VTI1A: variants seen among roughly 807,000 people sequenced by gnomAD.
The protein encoded by VTI1A is vesicle transport through interaction with t-SNAREs homolog 1A.
A neutral mutation model predicts 34.9 loss-of-function variants in VTI1A; 22 were observed. That is an observed-to-expected ratio of 0.63 (90% confidence interval 0.45 to 0.90). VTI1A has a LOEUF of 0.90. VTI1A is among the 40% of genes least tolerant of loss of function. The pLI, the probability that VTI1A is intolerant of heterozygous loss-of-function variation, is 0.00. For synonymous variants in VTI1A, 87 were observed against 97.3 expected, an observed-to-expected ratio of 0.89 and a Z score of 0.62; for missense variants, 268 against 275.6, an observed-to-expected ratio of 0.97 and a Z score of 0.20.
At chr10:112,823,869 T>C in the VTI1A span, 1 of 152,250 alleles carries the variant, frequency 6.6e-6, no homozygotes, top group Non-Finnish European at 1.5e-5. Context: ...CTCAGATTTA[T>C]AAAACTTTTG....
chr10:112,837,806 G>C, the VTI1A span, among the ~76,000 whole-genome samples: 1 of 152,172 alleles, frequency 6.6e-6, no homozygotes, highest in Non-Finnish European at 1.5e-5. Context: ...GGATGTCTTT[G>C]AAGTGCCAGG....
At chr10:112,663,607 T>C (rs2133825889) in intron 5 of VTI1A, among the ~76,000 whole-genome samples, 1 of 152,334 alleles carries the variant, frequency 6.6e-6, no homozygotes, top group East Asian at 1.9e-4. Flanking sequence ...CAAAAGGCTC[T>C]TCATGCCTGA....
At chr10:112,665,250 T>G (rs1339405138) in intron 5 of VTI1A, among the ~76,000 whole-genome samples, 1 of 152,056 alleles carries the variant, frequency 6.6e-6, no homozygotes, top group Non-Finnish European at 1.5e-5. Context: ...TCCCCTCTAA[T>G]TTGTTGTCTT....
chr10:112,771,881 T>TAAAG (rs1851823464), intron 7 of VTI1A, among the ~76,000 whole-genome samples: 1 of 152,244 alleles, frequency 6.6e-6, no homozygotes, highest in Non-Finnish European at 1.5e-5. Flanking sequence ...GTGCCAGTAC[T>TAAAG]TTATTCCTTT....
At chr10:112,650,683 C>T (rs1846976015) in intron 5 of VTI1A, among the ~76,000 whole-genome samples, 1 of 152,192 alleles carries the variant, frequency 6.6e-6, no homozygotes, top group Non-Finnish European at 1.5e-5. Context: ...CGATGTTCGA[C>T]AGCTACCATG....
intron 7 of VTI1A, among the ~76,000 whole-genome samples, chr10:112,694,184 C>T (rs1383304313): frequency 2.0e-5 from 3 of 152,020 alleles, no homozygotes; most frequent in Non-Finnish European, 2.9e-5. Flanking sequence ...CCAGCCTGGG[C>T]GACAGAGTGA....
chr10:112,801,636 C>T (rs1283193227), intron 7 of VTI1A, among the ~76,000 whole-genome samples: 1 of 152,110 alleles, frequency 6.6e-6, no homozygotes, highest in Non-Finnish European at 1.5e-5. Context: ...TAGTGTATCC[C>T]CTCACCCATA....
At chr10:112,482,339 G>T (rs1486321201) in intron 3 of VTI1A, among the ~76,000 whole-genome samples, 1 of 152,088 alleles carries the variant, frequency 6.6e-6, no homozygotes, top group African/African-American at 2.4e-5. Flanking sequence ...TAAGCAAATT[G>T]TTGTACCCTC....
At chr10:112,624,876 C>G (rs1260359136) in intron 5 of VTI1A, among the ~76,000 whole-genome samples, 1 of 152,096 alleles carries the variant, frequency 6.6e-6, no homozygotes, top group Non-Finnish European at 1.5e-5. Context: ...ACAGGAGAAT[C>G]ACTTGAGGCT....
At chr10:112,568,805 T>G (rs1231798684) in intron 5 of VTI1A, among the ~76,000 whole-genome samples, 1 of 152,130 alleles carries the variant, frequency 6.6e-6, no homozygotes, top group Non-Finnish European at 1.5e-5. Context: ...TCTGTAACTC[T>G]CCTTTGACCA....
At chr10:112,587,111 T>G (rs991828918) in intron 5 of VTI1A, among the ~76,000 whole-genome samples, 2 of 152,188 alleles carry the variant, frequency 1.3e-5, no homozygotes, top group African/African-American at 2.4e-5. Context: ...ATATATTTCT[T>G]TTACAGGGAT....
the VTI1A span, among the ~76,000 whole-genome samples, chr10:112,841,883 C>T: frequency 6.6e-6 from 1 of 152,156 alleles, no homozygotes; most frequent in Non-Finnish European, 1.5e-5. Context: ...CTCTGCTAAA[C>T]CAGTGGCTTG....
chr10:112,625,145 A>G (rs1291369511), intron 5 of VTI1A, among the ~76,000 whole-genome samples: 5 of 152,184 alleles, frequency 3.3e-5, no homozygotes, highest in Non-Finnish European at 7.4e-5. Context: ...CTGAATACAT[A>G]TGTTTAACTT....
intron 3 of VTI1A, among the ~76,000 whole-genome samples, chr10:112,511,799 A>G (rs149779345): frequency 5.8e-4 from 89 of 152,284 alleles, no homozygotes; most frequent in African/African-American, 2.0e-3. Flanking sequence ...GTTCCCACAT[A>G]TAAGTGAGAA....
At chr10:112,762,722 A>T (rs940593076) in intron 7 of VTI1A, among the ~76,000 whole-genome samples, 1 of 152,168 alleles carries the variant, frequency 6.6e-6, no homozygotes, top group Non-Finnish European at 1.5e-5. Context: ...GTTGTTGAAT[A>T]TGAGGCTATC....
In VTI1A at chr10:112,467,151, A is replaced by T. The variant is rs1847923820; in HGVS notation, c.264+2494A>T. ...GGTCAGTTTTAATCTTTTATTCTTA[A>T]TTTTTTTTTCAGAAATTAAATTATT... On this transcript the variant is annotated intron_variant, in intron 3 of 7. Transcript: ENST00000393077. Among the ~76,000 whole-genome samples the T allele has an allele frequency of 2.0e-5, 3 of 151,270 alleles. No homozygotes were observed. The South Asian group carries it at 6.3e-4, about 32-fold the overall frequency.
intron 1 of VTI1A, among the ~76,000 whole-genome samples, chr10:112,455,647 T>C: frequency 2.7e-5 from 3 of 109,374 alleles, no homozygotes; most frequent in Admixed American, 9.1e-5. Context: ...TCCCTCCTTC[T>C]CCCCTCCCTC....
intron 7 of VTI1A, among the ~76,000 whole-genome samples, chr10:112,698,829 G>C (rs1362901156): frequency 6.6e-6 from 1 of 152,200 alleles, no homozygotes; most frequent in Non-Finnish European, 1.5e-5. Flanking sequence ...TCGTTGGTGA[G>C]TAGCATTCCA....
intron 7 of VTI1A, among the ~76,000 whole-genome samples, chr10:112,785,891 G>GGT (rs1206567496): frequency 1.3e-5 from 2 of 152,164 alleles, no homozygotes; most frequent in Non-Finnish European, 2.9e-5. Flanking sequence ...TTTGAAGTCA[G>GGT]GTGGTATAAG....
Sources: allele counts gnomAD v4.1 joint callset (sites outside exome capture counted in the v4.1 genomes callset), GRCh38; gene constraint gnomAD v4.1.1; transcripts MANE v1.5; gene names NCBI Gene and HGNC (gene_info 2026-07-23, HGNC 2026-07-21).